The following RECQL variants were observed in gnomAD, a reference collection of about 807,000 sequenced individuals.
RECQL encodes the protein ATP-dependent DNA helicase Q1.
In RECQL, 73 loss-of-function variants were observed where a neutral mutation model predicts 75.8. The ratio of observed to expected loss-of-function variants is 0.96; its 90% confidence interval spans 0.80 to 1.17. The LOEUF (loss-of-function observed/expected upper bound fraction) is 1.17, where lower values mean the gene tolerates loss of function less well. Among genes scored for constraint, RECQL ranks in the 50% most tolerant of loss-of-function variants. RECQL has a pLI of 0.00. For missense variants in RECQL, 699 were observed against 772.1 expected, an observed-to-expected ratio of 0.91 and a Z score of 1.12; for synonymous variants, 248 against 254.4, an observed-to-expected ratio of 0.97 and a Z score of 0.24.
intron 6 of RECQL, 140 bp downstream of exon 6, chr12:21,483,236 T>A: frequency 2.9e-6 from 2 of 680,986 alleles, no homozygotes; most frequent in Non-Finnish European, 4.9e-6. Flanking sequence ...CCCTTTTGGT[T>A]CCGAACATTC....
At chr12:21,475,392 G>T in intron 10 of RECQL, 76 bp downstream of exon 10, 1 of 886,986 alleles carries the variant, frequency 1.1e-6, no homozygotes, top group Non-Finnish European at 1.8e-6. Context: ...AAAACATACA[G>T]ACTTATTAAG....
At chr12:21,472,207 C>G (rs17683246) in intron 12 of RECQL, among the ~76,000 whole-genome samples, 4,425 of 151,464 alleles carry the variant, frequency 0.029, 78 homozygotes, top group Non-Finnish European at 0.042. Context: ...CCATGAGGTA[C>G]TGGCTAGTCC....
intron 1 of RECQL, among the ~76,000 whole-genome samples, chr12:21,500,612 A>G (rs1045355240): frequency 2.0e-5 from 3 of 152,230 alleles, no homozygotes; most frequent in Non-Finnish European, 4.4e-5. Flanking sequence ...AGGATTTCTA[A>G]TTCTTGATCT....
At chr12:21,487,615 C>T (rs527581869) in intron 4 of RECQL, among the ~76,000 whole-genome samples, 4 of 152,228 alleles carry the variant, frequency 2.6e-5, no homozygotes, top group African/African-American at 9.6e-5. Flanking sequence ...ATTCTCTCTC[C>T]TATTATTTTC....
chr12:21,491,409 A>C (rs1352949480), intron 3 of RECQL, 110 bp downstream of exon 3: 1 of 1,029,188 alleles, frequency 9.7e-7, no homozygotes, highest in African/African-American at 1.6e-5. Context: ...AGAAATGGCC[A>C]GTTTCACCTC....
intron 6 of RECQL, among the ~76,000 whole-genome samples, chr12:21,480,422 G>A (rs1943171134): frequency 6.6e-6 from 1 of 152,188 alleles, no homozygotes; most frequent in Admixed American, 6.5e-5. Flanking sequence ...ACAGAGAGTA[G>A]ACAAACTTGA....
rs1398251405 is a variant in RECQL at position 21,490,486 on chromosome 12, CTT to C, written c.215-110_215-109del. 3.4e-5 allele frequency: 22 copies of C among 651,540 alleles called. No individual in the cohort carries two copies. The Admixed American group carries it at 4.7e-4, about 14-fold the overall frequency. The allele number at this position is 651,540 out of a possible 1,614,324, so 40.4% of individuals were successfully genotyped here. A position where few individuals can be genotyped will look rare whatever the true frequency, so the allele number is the denominator to read the frequency against. The stretch of plus-strand genomic sequence containing the variant: ...CTTCTAATACTTATAGACCATTAAA[CTT>C]TTATGATAATAGTTTTGAGATTAAC... On this transcript the variant is annotated intron_variant, in intron 3 of 14. Transcript: ENST00000444129.
Position 21,492,883 on chromosome 12 carries a change from T to C in RECQL, c.17-1167A>G, listed in dbSNP as rs1282439036. Among the ~76,000 whole-genome samples the C allele has an allele frequency of 5.3e-5, 8 of 152,326 alleles. No homozygotes were observed. The South Asian group carries it at 1.7e-3, about 32-fold the overall frequency. On this transcript the variant is annotated intron_variant, in intron 2 of 14. Coordinates refer to ENST00000444129, the MANE Select transcript of RECQL (RefSeq NM_002907.4). ...GCAGGGCACCAGCATCCTAACTTTGTCCTCATGAATTTCAACTTATCCTTG... is the reference window on the plus strand; with the variant it reads ...GCAGGGCACCAGCATCCTAACTTTGCCCTCATGAATTTCAACTTATCCTTG...
chr12:21,474,353 A>G (rs10161132), intron 11 of RECQL, among the ~76,000 whole-genome samples: 87,420 of 151,774 alleles, frequency 0.58, 25,206 homozygotes, highest in Middle Eastern at 0.66. Flanking sequence ...TAGGCAATAA[A>G]AGCACAAAGA....
In RECQL at chr12:21,483,322, G is replaced by A. The variant is rs901634459; in HGVS notation, c.700+54C>T. The A allele has an allele frequency of 6.1e-6, 7 of 1,156,714 alleles. No homozygotes were observed. In the Admixed American group the frequency reaches 1.1e-4, roughly 18 times the overall value. 71.7% of individuals were successfully genotyped at this position (1,156,714 alleles called of 1,614,324 possible). A position where few individuals can be genotyped will look rare whatever the true frequency, so the allele number is the denominator to read the frequency against. On this transcript the variant is annotated intron_variant, in intron 6 of 14. Coordinates refer to ENST00000444129, the MANE Select transcript of RECQL (RefSeq NM_002907.4). The stretch of plus-strand genomic sequence containing the variant: ...GCAGAGATTTCCATCATGCCAAGCT[G>A]AGTAAGGACACGGTCTATGACATCA...
intron 5 of RECQL, 117 bp downstream of exon 5, chr12:21,486,362 G>A (rs2137386825): frequency 1.6e-6 from 2 of 1,282,824 alleles, no homozygotes; most frequent in East Asian, 5.5e-5. Context: ...GCAGTAGTTT[G>A]TAACTCCTGA....
In RECQL at chr12:21,490,204, G is replaced by A; in HGVS notation, c.389C>T (p.Ser130Leu). The change falls in exon 4 of 15, where the codon TCA (serine) becomes TTA (leucine). Residue 130 changes from serine to leucine, a missense_variant. Around this residue, in one of 2 missense-constraint regions of RECQL, gnomAD observed 669 missense variants for 713.5 expected, o/e 0.94. Coordinates refer to ENST00000444129, the MANE Select transcript of RECQL (RefSeq NM_002907.4). ...SLCYQLPALC[S>L]DGFTLVICPL... The stretch of plus-strand genomic sequence containing the variant: ...TTAATTTTTTTAGTACATACCATCT[G>A]AACATAATGCTGGTAACTGGTAACA... 1.2e-6 allele frequency: 2 copies of A among 1,602,384 alleles called. No individual in the cohort carries two copies. Among genetic ancestry groups the A allele is most frequent in the African/African-American group, 1.3e-5 (1 of 74,732 alleles).
Position 21,501,596 on chromosome 12 carries a change from G to C in RECQL, c.-472C>G. The C allele has an allele frequency of 2.8e-6, 1 of 351,314 alleles. No individual in the cohort carries two copies. Among genetic ancestry groups the C allele is most frequent in the South Asian group, 3.6e-5 (1 of 27,836 alleles). 21.8% of individuals were successfully genotyped at this position (351,314 alleles called of 1,614,324 possible). A position where few individuals can be genotyped will look rare whatever the true frequency, so the allele number is the denominator to read the frequency against. On this transcript the variant is annotated 5_prime_UTR_variant, in exon 1 of 15. Coordinates refer to ENST00000444129, the MANE Select transcript of RECQL (RefSeq NM_002907.4). ...CCTCGAGCAGATCTTTCCGCTACTC[G>C]GGAGTAAAATCTTCCCGCCAGCCAG...
intron 8 of RECQL, among the ~76,000 whole-genome samples, chr12:21,476,148 T>C (rs1943083609): frequency 6.6e-6 from 1 of 152,044 alleles, no homozygotes; most frequent in African/African-American, 2.4e-5. Flanking sequence ...AATGCAGTGT[T>C]CTCCAGATTA....
In RECQL at chr12:21,475,507, T is replaced by C; in HGVS notation, c.1177A>G (p.Lys393Glu). Residue 393 changes from lysine (K) to glutamate (E), a missense_variant, in exon 10 of 15, where the codon AAA (lysine) becomes GAA (glutamate). This residue lies in a region of RECQL where 669 missense variants were observed against 713.5 expected (regional missense o/e 0.94). Transcript: ENST00000444129. ...TCTTGGTAATAATTTTCCATGGATT[T>C]ACTCATTGAATGATGGATAACAAAC... The part of the protein sequence containing the change: ...VRFVIHHSMS[K>E]SMENYYQESG... 6.2e-7 allele frequency: 1 copy of C among 1,612,798 alleles called. No homozygotes were observed. The highest frequency in any genetic ancestry group is 8.5e-7 in the Non-Finnish European group (1 of 1,179,088).
rs542491982 is a variant in RECQL at position 21,483,529 on chromosome 12, C to T, written c.547G>A (p.Glu183Lys). 9.5e-6 allele frequency: 15 copies of T among 1,579,598 alleles called. No individual in the cohort carries two copies. The highest frequency in any genetic ancestry group is 1.7e-4 in the Middle Eastern group (1 of 5,948). The change falls in exon 6 of 15, where the codon GAG becomes AAG. Residue 183 changes from glutamate (E) to lysine (K), a missense_variant. By Grantham distance (56) the Glu-to-Lys change is moderately conservative (BLOSUM62 1). Around this residue, in one of 2 missense-constraint regions of RECQL, gnomAD observed 669 missense variants for 713.5 expected, o/e 0.94. Transcript: ENST00000444129. The part of the protein sequence containing the change: ...VHAEMVNKNS[E>K]LKLIYVTPEK... Reference sequence around the variant, plus strand: ...GGAGTCACATAAATCAGCTTTAACTCGGAGTTTTTATTTACCATTTCAGCA... The same window carrying T: ...GGAGTCACATAAATCAGCTTTAACTTGGAGTTTTTATTTACCATTTCAGCA...
chr12:21,472,698 A>C (rs1452101487), intron 12 of RECQL, among the ~76,000 whole-genome samples: 1 of 152,030 alleles, frequency 6.6e-6, no homozygotes, highest in African/African-American at 2.4e-5. Context: ...TTTTGACCAG[A>C]TCCTGTTTTG....
At chr12:21,488,699 TC>T (rs1156653757) in intron 4 of RECQL, among the ~76,000 whole-genome samples, 1 of 152,064 alleles carries the variant, frequency 6.6e-6, no homozygotes, top group East Asian at 1.9e-4. Flanking sequence ...CTTTCTCCTT[TC>T]CCCCCAAGCA....
At chr12:21,479,177 A>C (rs1490781095) in intron 6 of RECQL, among the ~76,000 whole-genome samples, 1 of 152,048 alleles carries the variant, frequency 6.6e-6, no homozygotes, top group Non-Finnish European at 1.5e-5. Flanking sequence ...TTCAAGATCT[A>C]CTTCCTACAG....
Sources: gnomAD v4.1 joint callset for allele counts (sites outside exome capture counted in the v4.1 genomes callset) on GRCh38, gnomAD v4.1.1 for gene constraint, gnomAD v4.1.1 regional missense constraint, MANE v1.5 for transcripts, NCBI Gene and HGNC (gene_info 2026-07-23, HGNC 2026-07-21) for gene names.